The following TRPC4AP variants were observed in gnomAD, a reference collection of about 807,000 sequenced individuals.
TRPC4AP encodes the protein short transient receptor potential channel 4-associated protein.
A neutral mutation model predicts 99.0 loss-of-function variants in TRPC4AP; 45 were observed. That is an observed-to-expected ratio of 0.45 (90% confidence interval 0.36 to 0.58). The LOEUF is 0.58. Among genes scored for constraint, TRPC4AP ranks in the 20% least tolerant of loss-of-function variants. The pLI, the probability that TRPC4AP is intolerant of heterozygous loss-of-function variation, is 0.00. For missense variants in TRPC4AP, 879 were observed against 985.3 expected, an observed-to-expected ratio of 0.89 and a Z score of 1.44; for synonymous variants, 408 against 385.8, an observed-to-expected ratio of 1.06 and a Z score of -0.67.
chr20:35,089,930 G>A (rs918090057), intron 1 of TRPC4AP, among the ~76,000 whole-genome samples: 1 of 151,592 alleles, frequency 6.6e-6, no homozygotes, highest in African/African-American at 2.4e-5. Context: ...GGGTAATCTG[G>A]GCAACAGAGC....
intron 1 of TRPC4AP, among the ~76,000 whole-genome samples, chr20:35,081,029 C>G (rs1208751079): frequency 6.6e-6 from 1 of 151,916 alleles, no homozygotes; most frequent in African/African-American, 2.4e-5. Context: ...TGTACACTTA[C>G]AATGGGTAAA....
At chr20:35,040,564 G>A (rs190685691) in intron 7 of TRPC4AP, among the ~76,000 whole-genome samples, 9 of 152,112 alleles carry the variant, frequency 5.9e-5, no homozygotes, top group Non-Finnish European at 1.2e-4. Context: ...CATGCTAATG[G>A]CTTCTCAGGT....
intron 11 of TRPC4AP, among the ~76,000 whole-genome samples, chr20:35,010,721 C>A (rs966698571): frequency 6.6e-6 from 1 of 152,182 alleles, no homozygotes; most frequent in Non-Finnish European, 1.5e-5. Flanking sequence ...CCCGACTTGC[C>A]ATCCAGGCCT....
At chr20:35,006,384 T>C (rs777564354) in intron 15 of TRPC4AP, 51 bp downstream of exon 15, 14 of 1,593,592 alleles carry the variant, frequency 8.8e-6, no homozygotes, top group Non-Finnish European at 4.3e-6. Flanking sequence ...GGACTCCAGG[T>C]GAACTTCTGG....
At chr20:35,053,548 T>C (rs78801724) in intron 5 of TRPC4AP, among the ~76,000 whole-genome samples, 2,774 of 152,296 alleles carry the variant, frequency 0.018, 45 homozygotes, top group Non-Finnish European at 0.03. Flanking sequence ...TGAAATTTTA[T>C]CTTATAGATC....
intron 2 of TRPC4AP, among the ~76,000 whole-genome samples, chr20:35,072,289 G>C (rs1569143750): frequency 6.6e-6 from 1 of 152,148 alleles, no homozygotes; most frequent in Non-Finnish European, 1.5e-5. Context: ...AGTTTAATTA[G>C]ATCCCATTTG....
chr20:35,020,184 T>C (rs1221597177), intron 9 of TRPC4AP, among the ~76,000 whole-genome samples: 2 of 152,238 alleles, frequency 1.3e-5, no homozygotes, highest in Admixed American at 6.5e-5. Flanking sequence ...TGGTCCTAGC[T>C]GCTATCATCT....
intron 1 of TRPC4AP, among the ~76,000 whole-genome samples, chr20:35,088,608 C>T (rs1263266621): frequency 6.6e-6 from 1 of 152,204 alleles, no homozygotes; most frequent in African/African-American, 2.4e-5. Context: ...TATTATTTCA[C>T]TTAATCCTCC....
At chr20:35,076,521 G>A (rs946774455) in intron 2 of TRPC4AP, among the ~76,000 whole-genome samples, 5 of 152,184 alleles carry the variant, frequency 3.3e-5, no homozygotes, top group African/African-American at 7.2e-5. Flanking sequence ...GAGTTTGCTG[G>A]AGGTCCACTC....
At chr20:35,059,270 T>C (rs911948811) in intron 3 of TRPC4AP, among the ~76,000 whole-genome samples, 5 of 152,128 alleles carry the variant, frequency 3.3e-5, no homozygotes, top group African/African-American at 7.2e-5. Flanking sequence ...AAAGTGATTA[T>C]AAGGAACTAC....
chr20:35,009,778 G>A (rs916176216), intron 12 of TRPC4AP, among the ~76,000 whole-genome samples: 6 of 152,264 alleles, frequency 3.9e-5, no homozygotes, highest in African/African-American at 1.2e-4. Flanking sequence ...CCTAACCCAG[G>A]TAATGCAACC....
intron 7 of TRPC4AP, among the ~76,000 whole-genome samples, chr20:35,040,794 G>A (rs567668995): frequency 6.6e-6 from 1 of 152,158 alleles, no homozygotes; most frequent in East Asian, 1.9e-4. Context: ...GCTTATCATG[G>A]GACTCCTCCG....
rs538857284 is a variant in TRPC4AP at position 35,052,961 on chromosome 20, G to T, written c.528+2015C>A. ...GTGTTTGCAACCCTGAGAGCCCCAG[G>T]TTCTCTACATTAACATGGAATTCAG... On this transcript the variant is annotated intron_variant, in intron 5 of 18. Transcript: ENST00000252015. 5.1e-4 allele frequency among the ~76,000 whole-genome samples: 78 copies of T among 152,212 alleles called. No homozygotes were observed. In the South Asian group the frequency reaches 0.016, roughly 31 times the overall value.
At chr20:35,068,734 T>C (rs2084210549) in intron 3 of TRPC4AP, among the ~76,000 whole-genome samples, 1 of 151,810 alleles carries the variant, frequency 6.6e-6, no homozygotes, top group Non-Finnish European at 1.5e-5. Flanking sequence ...CTTGGACAGG[T>C]TGGTCTCGAA....
At chr20:35,069,513 G>A in intron 2 of TRPC4AP, 101 bp from the exon 3 acceptor site, 1 of 745,010 alleles carries the variant, frequency 1.3e-6, no homozygotes, top group Non-Finnish European at 2.3e-6. Flanking sequence ...GAGTTCCCAT[G>A]AACACAAAGA....
chr20:35,025,420 G>C (rs2083004505), intron 8 of TRPC4AP, among the ~76,000 whole-genome samples: 4 of 152,096 alleles, frequency 2.6e-5, no homozygotes, highest in Admixed American at 1.3e-4. Context: ...CAATCCTCCT[G>C]CCTTGGCCTC....
rs1202554209 is a variant in TRPC4AP, at chr20:35,086,529, G to A, written c.168+6085C>T. Reference sequence around the variant, plus strand: ...TATATGTGTGTGTGTGTATATATGTGTGTGTGTGTGTGTGTGTGTGTGTGT... The same window carrying A: ...TATATGTGTGTGTGTGTATATATGTATGTGTGTGTGTGTGTGTGTGTGTGT... On this transcript the variant is annotated intron_variant, in intron 1 of 18. Coordinates refer to ENST00000252015, the MANE Select transcript of TRPC4AP (RefSeq NM_015638.3). Among the ~76,000 whole-genome samples the A allele has an allele frequency of 2.9e-3, 66 of 22,854 alleles. 2 individuals carry two copies. Among genetic ancestry groups the A allele is most frequent in the African/African-American group, 0.021 (56 of 2,614 alleles). 15.0% of individuals were successfully genotyped at this position (22,854 alleles called of 152,430 possible).
intron 8 of TRPC4AP, among the ~76,000 whole-genome samples, chr20:35,030,988 A>G (rs2083177053): frequency 6.6e-6 from 1 of 152,140 alleles, no homozygotes; most frequent in Non-Finnish European, 1.5e-5. Flanking sequence ...GTCTGTTACT[A>G]ATGAGTTCTT....
rs78330058 is a variant in TRPC4AP at position 35,005,158 on chromosome 20, C to T, written c.1936+537G>A. Among the ~76,000 whole-genome samples the T allele has an allele frequency of 4.3e-3, 659 of 152,244 alleles. 3 individuals carry two copies. The highest frequency in any genetic ancestry group is 0.015 in the African/African-American group (632 of 41,524). ...CTCTGGGGCAGAAAAAGGAAGCAAA[C>T]GGCTAAATTACCAACAACCGGGATA... is the stretch of plus-strand genomic sequence containing the variant. On this transcript the variant is annotated intron_variant, in intron 16 of 18. Coordinates refer to ENST00000252015, the MANE Select transcript of TRPC4AP (RefSeq NM_015638.3).
Sources: gnomAD v4.1 joint callset for allele counts (sites outside exome capture counted in the v4.1 genomes callset) on GRCh38, gnomAD v4.1.1 for gene constraint, MANE v1.5 for transcripts, NCBI Gene and HGNC (gene_info 2026-07-23, HGNC 2026-07-21) for gene names.